The following ZBTB25 variants were observed in gnomAD, a reference collection of about 807,000 sequenced individuals.
ZBTB25 encodes the protein zinc finger and BTB domain-containing protein 25.
ZBTB25 carries 20 observed loss-of-function variants against 34.2 expected under a neutral mutation model. The observed-to-expected ratio is 0.58, with a 90% confidence interval of 0.41 to 0.85. The LOEUF (loss-of-function observed/expected upper bound fraction) is 0.85. Among genes scored for constraint, ZBTB25 ranks in the 40% least tolerant of loss-of-function variants. The pLI, the probability that ZBTB25 is intolerant of heterozygous loss-of-function variation, is 0.00. For missense variants in ZBTB25, 437 were observed against 521.8 expected (o/e 0.84, Z 1.58); for synonymous variants, 175 against 186.4 (o/e 0.94, Z 0.50).
chr14:64,499,976 C>T (rs1365464506), intron 1 of ZBTB25, among the ~76,000 whole-genome samples: 1 of 152,144 alleles, frequency 6.6e-6, no homozygotes, highest in Non-Finnish European at 1.5e-5. Flanking sequence ...ACCTCTAATT[C>T]CCATCTAACC....
At chr14:64,498,652 G>A (rs1333710793) in intron 1 of ZBTB25, among the ~76,000 whole-genome samples, 2 of 150,018 alleles carry the variant, frequency 1.3e-5, no homozygotes, top group African/African-American at 2.5e-5. Flanking sequence ...TTATTTTTTT[G>A]AGACAGAGTC....
At chr14:64,468,381 A>C (rs371298647) in intron 2 of ZBTB25, 11 of 1,584,180 alleles carry the variant, frequency 6.9e-6, no homozygotes, top group Non-Finnish European at 9.4e-6. Flanking sequence ...AGAGAATAAG[A>C]GTGCAGTGTA....
At position 64,489,882 on chromosome 14, in the gene ZBTB25, C is replaced by T. The variant is rs182936500; in HGVS notation, c.173+479G>A. 4.3e-3 allele frequency among the ~76,000 whole-genome samples: 645 copies of T among 151,714 alleles called. 6 individuals carry two copies. Among genetic ancestry groups the T allele is most frequent in the Middle Eastern group, 0.01 (3 of 294 alleles). ...TTCTTATTTTCCATTATGGATCCTA[C>T]ACACTGAGTTTAATTACTAATGTAT... On this transcript the variant is annotated intron_variant, in intron 2 of 2. Coordinates refer to ENST00000608382, the MANE Select transcript of ZBTB25 (RefSeq NM_006977.5).
rs141992656 is a variant in ZBTB25 at position 64,464,323 on chromosome 14, G to A, written c.174-14685C>T. On this transcript the variant is annotated intron_variant, in intron 2 of 2. Coordinates refer to the ZBTB25 transcript ENST00000555220. ...TGGGATTACAGGTGTGAGCTACTGC[G>A]CCCATCCCTGAATTCTTAATTACAA... Among the ~76,000 whole-genome samples the A allele has an allele frequency of 1.6e-3, 246 of 152,116 alleles. 1 individual carries two copies. Among genetic ancestry groups the A allele is most frequent in the African/African-American group, 5.0e-3 (209 of 41,504 alleles).
intron 1 of ZBTB25, among the ~76,000 whole-genome samples, chr14:64,494,843 A>G (rs189457874): frequency 9.1e-4 from 138 of 152,322 alleles, no homozygotes; most frequent in African/African-American, 3.2e-3. Context: ...TTATTTCTCT[A>G]CTTCAGATTA....
intron 2 of ZBTB25, chr14:64,453,625 T>C: frequency 2.9e-6 from 2 of 693,084 alleles, no homozygotes; most frequent in Non-Finnish European, 5.4e-6. Context: ...ACTATTTGCT[T>C]ATGTATATGT....
chr14:64,491,403 C>T (rs1381280158), intron 1 of ZBTB25, among the ~76,000 whole-genome samples: 1 of 152,084 alleles, frequency 6.6e-6, no homozygotes, highest in African/African-American at 2.4e-5. Flanking sequence ...GAGGTCAAGG[C>T]TGCAGTGAGC....
rs2079273044 is a variant in ZBTB25, at chr14:64,496,314, C to T, written c.-7-5774G>A. On this transcript the variant is annotated intron_variant, in intron 1 of 2. Transcript: ENST00000608382. ...CCTGGCCAACATGGTGAAACCCCGT[C>T]TCTACTAAAAATACAAAAAAAAAAG... Among the ~76,000 whole-genome samples, 4 of 152,008 alleles carry T rather than the reference C, an allele frequency of 2.6e-5. No homozygotes were observed. The South Asian group carries it at 8.3e-4, about 32-fold the overall frequency.
At chr14:64,494,872 A>G (rs552070133) in intron 1 of ZBTB25, among the ~76,000 whole-genome samples, 1 of 152,366 alleles carries the variant, frequency 6.6e-6, no homozygotes, top group South Asian at 2.1e-4. Context: ...CTATTAATCT[A>G]TCCTCAAATT....
intron 1 of ZBTB25, among the ~76,000 whole-genome samples, chr14:64,494,723 G>A (rs757946980): frequency 1.2e-3 from 185 of 152,202 alleles, no homozygotes; most frequent in Non-Finnish European, 1.9e-3. Flanking sequence ...CTGCAGATCA[G>A]AAGACCCAAA....
intron 1 of ZBTB25, among the ~76,000 whole-genome samples, chr14:64,498,616 G>GTTTA (rs1462877338): frequency 1.3e-5 from 2 of 149,672 alleles, no homozygotes; most frequent in Non-Finnish European, 3.0e-5. Context: ...CGGCCAGATT[G>GTTTA]TTTATTTGTT....
intron 2 of ZBTB25, among the ~76,000 whole-genome samples, chr14:64,451,440 TATA>T (rs2078371421): frequency 6.6e-6 from 1 of 152,370 alleles, no homozygotes; most frequent in East Asian, 1.9e-4. Flanking sequence ...CCCTTGCAGA[TATA>T]ATACACTTAC....
At chr14:64,451,561 A>C (rs1357330836) in intron 2 of ZBTB25, among the ~76,000 whole-genome samples, 1 of 152,248 alleles carries the variant, frequency 6.6e-6, no homozygotes, top group Admixed American at 6.5e-5. Flanking sequence ...ATAAACACAA[A>C]TTTGCACACA....
At chr14:64,469,049 G>T (rs761905931) in intron 2 of ZBTB25, 1 of 1,614,050 alleles carries the variant, frequency 6.2e-7, no homozygotes. Context: ...ATTAGATAAT[G>T]GGCATTCTGC....
chr14:64,487,895 A>T lies in ZBTB25; in HGVS notation c.336T>A (p.Thr112=). The T allele has an allele frequency of 6.2e-7, 1 of 1,614,136 alleles. No homozygotes were observed. Among genetic ancestry groups the T allele is most frequent in the Non-Finnish European group, 8.5e-7 (1 of 1,180,004 alleles). The stretch of plus-strand genomic sequence containing the variant: ...CTGGTGAGAACACTTGATTCATTTC[A>T]GTTGCAATGTGAGAAAGGTAGTCGG... The part of the protein sequence containing the change: ...LHADYLSHIA[T]EMNQVFSPET... Residue 112 remains threonine, a synonymous_variant, in exon 3 of 3, where the codon ACT becomes ACA. Coordinates refer to ENST00000608382, the MANE Select transcript of ZBTB25 (RefSeq NM_006977.5).
At chr14:64,463,648 G>C (rs901935570) in intron 2 of ZBTB25, among the ~76,000 whole-genome samples, 2 of 147,688 alleles carry the variant, frequency 1.4e-5, no homozygotes, top group Non-Finnish European at 3.0e-5. Context: ...AAAAGAAGAA[G>C]AACCTGGGCA....
rs1596666430 is a variant in ZBTB25 at position 64,501,481 on chromosome 14, G to A, written c.-8+2180C>T. Among the ~76,000 whole-genome samples the A allele has an allele frequency of 2.6e-5, 4 of 152,308 alleles. No individual in the cohort carries two copies. The East Asian group carries it at 5.8e-4, about 22-fold the overall frequency. ...CTTCTTAAAAGACTGAAGTTCACAT[G>A]CTATTTGGAATAAATACACAGAAAA... is the stretch of plus-strand genomic sequence containing the variant. On this transcript the variant is annotated intron_variant, in intron 1 of 2. Transcript: ENST00000608382.
chr14:64,469,235 A>G, intron 2 of ZBTB25: 6 of 1,614,058 alleles, frequency 3.7e-6, no homozygotes, highest in Non-Finnish European at 5.1e-6. Context: ...GGAAGAAGCC[A>G]GTAACAGTAC....
chr14:64,460,523 C>T (rs2140996365), intron 2 of ZBTB25: 1 of 152,112 alleles, frequency 6.6e-6, no homozygotes, highest in Middle Eastern at 3.4e-3. Context: ...GAGACAGTGT[C>T]TCTGTCGCCC....
Sources: gnomAD v4.1 joint callset for allele counts (sites outside exome capture counted in the v4.1 genomes callset) on GRCh38, gnomAD v4.1.1 for gene constraint, MANE v1.5 for transcripts, NCBI Gene and HGNC (gene_info 2026-07-23, HGNC 2026-07-21) for gene names.